The following RALYL variants were observed in gnomAD, a reference collection of about 807,000 sequenced individuals.
RALYL encodes RNA-binding Raly-like protein.
Under a neutral mutation model 35.1 loss-of-function variants are expected in RALYL, and 29 were observed. The observed-to-expected ratio is 0.83, with a 90% CI of 0.61 to 1.13. RALYL has a LOEUF of 1.13. RALYL is among the 50% of genes most tolerant of loss of function. The probability of loss-of-function intolerance (pLI) is 0.00; values close to 1 mark genes in which losing one functional copy is unlikely to be tolerated. For missense variants in RALYL, 359 were observed against 360.4 expected (o/e 1.00, Z 0.03); for synonymous variants, 120 against 127.6 (o/e 0.94, Z 0.40).
intron 1 of RALYL, among the ~76,000 whole-genome samples, chr8:84,445,752 T>TGGG (rs1262561789): frequency 6.6e-6 from 1 of 151,656 alleles, no homozygotes; most frequent in Non-Finnish European, 1.5e-5. Context: ...TTGAAAAACG[T>TGGG]GGGCTCCCTC....
chr8:84,189,495 T>G (rs1813341991), intron 1 of RALYL, among the ~76,000 whole-genome samples: 2 of 152,160 alleles, frequency 1.3e-5, no homozygotes, highest in African/African-American at 4.8e-5. Context: ...TTTCATTAAA[T>G]CAAGATGAGA....
intron 2 of RALYL, among the ~76,000 whole-genome samples, chr8:84,611,137 C>A (rs1211921074): frequency 6.6e-6 from 1 of 152,034 alleles, no homozygotes; most frequent in Non-Finnish European, 1.5e-5. Context: ...ACAGTTTATC[C>A]TACTTTACAG....
intron 1 of RALYL, among the ~76,000 whole-genome samples, chr8:84,525,498 G>A (rs1053683200): frequency 6.6e-6 from 1 of 151,866 alleles, no homozygotes; most frequent in Admixed American, 6.6e-5. Context: ...GAGGTTCATT[G>A]AGATTCTTAG....
chr8:84,785,992 C>T (rs2467211), intron 3 of RALYL, among the ~76,000 whole-genome samples: 36,320 of 152,024 alleles, frequency 0.24, 4,572 homozygotes, highest in Non-Finnish European at 0.25. Flanking sequence ...CCCACCTCAC[C>T]GCCCATAGGC....
intron 1 of RALYL, among the ~76,000 whole-genome samples, chr8:84,272,004 T>C (rs929620725): frequency 5.3e-5 from 8 of 152,210 alleles, no homozygotes; most frequent in African/African-American, 7.2e-5. Context: ...TAAACAATTA[T>C]TAGGCTACCA....
chr8:84,385,077 C>A (rs1259597914), intron 1 of RALYL, among the ~76,000 whole-genome samples: 2 of 151,714 alleles, frequency 1.3e-5, no homozygotes, highest in Admixed American at 6.6e-5. Context: ...GAAAGTAAAG[C>A]AAAAGTTAAT....
chr8:84,835,072 T>C (rs1397205640), intron 4 of RALYL, among the ~76,000 whole-genome samples: 1 of 152,146 alleles, frequency 6.6e-6, no homozygotes, highest in Non-Finnish European at 1.5e-5. Flanking sequence ...ACATGAGCCA[T>C]CCTGGAATAT....
At chr8:84,332,501 G>A (rs1044313259) in intron 1 of RALYL, among the ~76,000 whole-genome samples, 1 of 151,826 alleles carries the variant, frequency 6.6e-6, no homozygotes, top group Non-Finnish European at 1.5e-5. Flanking sequence ...GGAAATAGGA[G>A]GATTATACAA....
chr8:84,578,268 G>T (rs1809965127), intron 2 of RALYL, among the ~76,000 whole-genome samples: 1 of 152,226 alleles, frequency 6.6e-6, no homozygotes, highest in African/African-American at 2.4e-5. Flanking sequence ...TTCTGCTGTG[G>T]GTGTCTACAT....
At chr8:84,254,287 T>A (rs972583363) in intron 1 of RALYL, among the ~76,000 whole-genome samples, 15 of 152,152 alleles carry the variant, frequency 9.9e-5, no homozygotes, top group African/African-American at 3.6e-4. Context: ...AAGATTAAAT[T>A]ATAATATTAA....
chr8:84,764,316 G>A (rs2634056), intron 2 of RALYL, among the ~76,000 whole-genome samples: 40,810 of 151,950 alleles, frequency 0.27, 5,881 homozygotes, highest in African/African-American at 0.35. Flanking sequence ...CCAAACTTTA[G>A]CATGGCACCG....
chr8:84,425,207 G>A (rs1280727840), intron 1 of RALYL, among the ~76,000 whole-genome samples: 8 of 152,204 alleles, frequency 5.3e-5, no homozygotes, highest in Non-Finnish European at 1.2e-4. Flanking sequence ...GCGAGATTCC[G>A]TGGGCATAGG....
intron 2 of RALYL, among the ~76,000 whole-genome samples, chr8:84,533,631 C>T (rs915297868): frequency 2.0e-5 from 3 of 152,016 alleles, no homozygotes; most frequent in African/African-American, 7.2e-5. Flanking sequence ...GTTCTGAAAC[C>T]CATATGCAGG....
intron 1 of RALYL, among the ~76,000 whole-genome samples, chr8:84,446,289 GA>G (rs71562395): frequency 6.6e-6 from 1 of 151,364 alleles, no homozygotes; most frequent in African/African-American, 2.4e-5. Context: ...ATCAAAGAAA[GA>G]AAAAAAATCA....
intron 7 of RALYL, among the ~76,000 whole-genome samples, chr8:84,877,661 T>C (rs1306996847): frequency 6.6e-6 from 1 of 152,150 alleles, no homozygotes; most frequent in Non-Finnish European, 1.5e-5. Context: ...TAGAGGCCTT[T>C]TTGGTCTAGA....
chr8:84,887,601 C>CA lies in RALYL; in HGVS notation c.686-2dup, dbSNP rs777465612. On this transcript the variant is annotated splice_region_variant and splice_polypyrimidine_tract_variant and intron_variant, in intron 7 of 8. Transcript: ENST00000521268. ...GTAGTCATTTGCTTTCTCCCCCCCC[C>CA]AGAAGCTCAGAAGAAGCAATTGGAA... 5 of 1,596,752 alleles carry CA rather than the reference C, an allele frequency of 3.1e-6. No homozygotes were observed. Among genetic ancestry groups the CA allele is most frequent in the Non-Finnish European group, 4.3e-6 (5 of 1,172,796 alleles).
chr8:84,785,781 A>T (rs1255655746), intron 3 of RALYL, among the ~76,000 whole-genome samples: 1 of 152,184 alleles, frequency 6.6e-6, no homozygotes, highest in African/African-American at 2.4e-5. Flanking sequence ...TGAAATGTTC[A>T]CAAAGTGTTA....
intron 1 of RALYL, among the ~76,000 whole-genome samples, chr8:84,301,916 G>A (rs1840868548): frequency 6.6e-6 from 1 of 151,872 alleles, no homozygotes; most frequent in Admixed American, 6.6e-5. Context: ...GAAGCAATTT[G>A]GAAAATGTGT....
In RALYL at chr8:84,710,745, T is replaced by C. The variant is rs185964086; in HGVS notation, c.257-63834T>C. On this transcript the variant is annotated intron_variant, in intron 2 of 8. Coordinates refer to ENST00000521268, the MANE Select transcript of RALYL (RefSeq NM_173848.7). ...TTTGATACATTCTCAGTGCATAATA[T>C]GATGCTTTGCCCATCAAAATCCATG... Among the ~76,000 whole-genome samples, 233 of 152,288 alleles carry C rather than the reference T, an allele frequency of 1.5e-3. 2 individuals carry two copies. The highest frequency in any genetic ancestry group is 5.5e-3 in the African/African-American group (229 of 41,570).
Sources: gnomAD v4.1 joint callset for allele counts (sites outside exome capture counted in the v4.1 genomes callset) on GRCh38, gnomAD v4.1.1 for gene constraint, MANE v1.5 for transcripts, NCBI Gene and HGNC (gene_info 2026-07-23, HGNC 2026-07-21) for gene names.